The following TNFSF4 variants were observed in gnomAD, a reference collection of about 807,000 sequenced individuals.
TNFSF4 encodes the protein tumor necrosis factor ligand superfamily member 4.
Under a neutral mutation model 7.3 loss-of-function variants are expected in TNFSF4, and 4 were observed. The ratio of observed to expected loss-of-function variants is 0.55; its 90% CI spans 0.27 to 1.25. The LOEUF is 1.25. TNFSF4 is among the 50% of genes most tolerant of loss of function. The pLI, the probability that TNFSF4 is intolerant of heterozygous loss-of-function variation, is 0.12. For synonymous variants in TNFSF4, 76 were observed against 83.7 expected, an observed-to-expected ratio of 0.91 and a Z score of 0.50; for missense variants, 181 against 208.8, an observed-to-expected ratio of 0.87 and a Z score of 0.82.
chr1:173,263,901 G>T, the TNFSF4 span, among the ~76,000 whole-genome samples: 1 of 152,190 alleles, frequency 6.6e-6, no homozygotes, highest in South Asian at 2.1e-4. Flanking sequence ...ATCCTGAAGG[G>T]AGGACCTAGG....
At chr1:173,282,251 A>G in the TNFSF4 span, among the ~76,000 whole-genome samples, 1 of 152,166 alleles carries the variant, frequency 6.6e-6, no homozygotes, top group Non-Finnish European at 1.5e-5. Context: ...TATTCTGATT[A>G]CCCTGATCTG....
the TNFSF4 span, among the ~76,000 whole-genome samples, chr1:173,294,936 C>A: frequency 2.0e-5 from 3 of 151,910 alleles, no homozygotes; most frequent in Non-Finnish European, 4.4e-5. Flanking sequence ...AATTTTTTAA[C>A]GGGCAAAATA....
At chr1:173,272,381 A>G in the TNFSF4 span, among the ~76,000 whole-genome samples, 32 of 152,166 alleles carry the variant, frequency 2.1e-4, no homozygotes, top group Non-Finnish European at 3.8e-4. Context: ...AACCATGTCA[A>G]TGTAGTCTTT....
At chr1:173,420,543 C>CT in the TNFSF4 span, among the ~76,000 whole-genome samples, 342 of 151,512 alleles carry the variant, frequency 2.3e-3, 1 homozygote, top group African/African-American at 4.4e-3. Flanking sequence ...CAGTAAAGGC[C>CT]TTTTTTTTTC....
chr1:173,250,554 G>A, the TNFSF4 span, among the ~76,000 whole-genome samples: 1 of 151,872 alleles, frequency 6.6e-6, no homozygotes, highest in Non-Finnish European at 1.5e-5. Context: ...CCGCCTCCCG[G>A]GTTCACGCCA....
chr1:173,229,714 T>C, the TNFSF4 span, among the ~76,000 whole-genome samples: 1 of 151,234 alleles, frequency 6.6e-6, no homozygotes, highest in Non-Finnish European at 1.5e-5. Flanking sequence ...CACACATAGG[T>C]TCAAAATAAA....
the TNFSF4 span, among the ~76,000 whole-genome samples, chr1:173,214,007 C>G: frequency 6.6e-6 from 1 of 152,106 alleles, no homozygotes; most frequent in Non-Finnish European, 1.5e-5. Context: ...CCATCAACAA[C>G]AAAGGACTAT....
rs539649275 is a variant in TNFSF4, at chr1:173,193,283, T to C, written c.154-4714A>G. On this transcript the variant is annotated intron_variant, in intron 1 of 2. Coordinates refer to ENST00000281834, the MANE Select transcript of TNFSF4 (RefSeq NM_003326.5). ...ATCAAAGGGCCAGGGGGCTTCCATC[T>C]AAGCACAGTCTATAGACTAAAGCTT... Among the ~76,000 whole-genome samples, 9 of 152,308 alleles carry C rather than the reference T, an allele frequency of 5.9e-5. No homozygotes were observed. The East Asian group carries it at 1.5e-3, about 26-fold the overall frequency.
At chr1:173,436,354 T>C in the TNFSF4 span, among the ~76,000 whole-genome samples, 3 of 152,178 alleles carry the variant, frequency 2.0e-5, no homozygotes, top group Non-Finnish European at 4.4e-5. Context: ...TTATCCCACC[T>C]AAAGGGCTAA....
chr1:173,408,404 T>C, the TNFSF4 span, among the ~76,000 whole-genome samples: 1 of 152,078 alleles, frequency 6.6e-6, no homozygotes, highest in African/African-American at 2.4e-5. Flanking sequence ...CATACTAATA[T>C]AAATAATTGA....
chr1:173,378,868 G>GC, the TNFSF4 span, among the ~76,000 whole-genome samples: 1 of 84,798 alleles, frequency 1.2e-5, no homozygotes, highest in African/African-American at 4.2e-5. Context: ...GGGACCACAA[G>GC]AACCCCCCTC....
the TNFSF4 span, among the ~76,000 whole-genome samples, chr1:173,297,871 A>C: frequency 6.6e-6 from 1 of 151,996 alleles, no homozygotes; most frequent in Non-Finnish European, 1.5e-5. Flanking sequence ...GTTAGAAATC[A>C]TTCAACTATG....
the TNFSF4 span, chr1:173,351,884 G>A: frequency 3.7e-5 from 22 of 591,938 alleles, no homozygotes; most frequent in African/African-American, 5.6e-5. Context: ...CCAGCAAGGC[G>A]GTTATCACTA....
the TNFSF4 span, among the ~76,000 whole-genome samples, chr1:173,311,087 G>A: frequency 6.6e-6 from 1 of 151,850 alleles, no homozygotes; most frequent in Non-Finnish European, 1.5e-5. Flanking sequence ...GTATATTAAA[G>A]CATTTAGTCC....
At chr1:173,272,843 C>T in the TNFSF4 span, among the ~76,000 whole-genome samples, 16 of 152,074 alleles carry the variant, frequency 1.1e-4, no homozygotes, top group Non-Finnish European at 1.9e-4. Context: ...TGTTTCATCT[C>T]CTATTACAGT....
the TNFSF4 span, among the ~76,000 whole-genome samples, chr1:173,442,429 C>A: frequency 3.3e-5 from 5 of 151,980 alleles, no homozygotes; most frequent in East Asian, 9.6e-4. Context: ...CTAAGAATTT[C>A]AATCATTTGC....
At chr1:173,253,858 G>A in the TNFSF4 span, among the ~76,000 whole-genome samples, 1 of 152,180 alleles carries the variant, frequency 6.6e-6, no homozygotes, top group African/African-American at 2.4e-5. Context: ...AATATTAGTT[G>A]TAGGACGTGT....
the TNFSF4 span, among the ~76,000 whole-genome samples, chr1:173,219,753 T>C: frequency 6.6e-6 from 1 of 152,066 alleles, no homozygotes; most frequent in Admixed American, 6.6e-5. Context: ...TGCAGCAATC[T>C]GGATGAAATT....
the TNFSF4 span, among the ~76,000 whole-genome samples, chr1:173,303,633 GT>G: frequency 1.4e-5 from 2 of 144,280 alleles, no homozygotes; most frequent in African/African-American, 5.0e-5. Flanking sequence ...GTTTTTATAC[GT>G]TTTTTAATTC....
Sources: gnomAD v4.1 joint callset for allele counts (sites outside exome capture counted in the v4.1 genomes callset) on GRCh38, gnomAD v4.1.1 for gene constraint, MANE v1.5 for transcripts, NCBI Gene and HGNC (gene_info 2026-07-23, HGNC 2026-07-21) for gene names.